CHM: variants seen among roughly 807,000 people sequenced by gnomAD.
The protein encoded by CHM is rab proteins geranylgeranyltransferase component A 1.
Under a neutral mutation model 49.0 loss-of-function variants are expected in CHM, and 10 were observed. The ratio of observed to expected loss-of-function variants is 0.20; its 90% CI spans 0.13 to 0.35. CHM has a LOEUF of 0.35. Among genes scored for constraint, CHM ranks in the 10% least tolerant of loss-of-function variants. CHM has a pLI of 1.00. For synonymous variants in CHM, 184 were observed against 167.5 expected (o/e 1.10, Z -0.76); for missense variants, 455 against 478.4 (o/e 0.95, Z 0.46).
chrX:86,027,737 C>A (rs1164267524), intron 1 of CHM, among the ~76,000 whole-genome samples, 180 bp from the exon 2 acceptor site: 2 of 111,540 alleles, frequency 1.8e-5, no homozygotes, highest in Non-Finnish European at 3.8e-5. Flanking sequence ...TAAACATATA[C>A]CACTCATACT....
At chrX:85,973,439 G>A (rs1257377739) in intron 4 of CHM, among the ~76,000 whole-genome samples, 3 of 108,143 alleles carry the variant, frequency 2.8e-5, no homozygotes, top group African/African-American at 1.0e-4. Context: ...TAATATTTTA[G>A]CCTTCATATC....
chrX:85,958,068 T>C (rs1930096915), intron 6 of CHM, 93 bp from the exon 7 acceptor site: 1 of 1,063,598 alleles, frequency 9.4e-7, no homozygotes, highest in Non-Finnish European at 1.3e-6. Context: ...TATAACAGGA[T>C]TATCGTTTCC....
At chrX:85,945,623 AT>A (rs1929360935) in intron 8 of CHM, among the ~76,000 whole-genome samples, 1 of 107,355 alleles carries the variant, frequency 9.3e-6, no homozygotes, top group South Asian at 4.3e-4. Context: ...ATTTTTATAA[AT>A]AGCCCAGTGT....
chrX:85,874,090 G>A (rs370588421), intron 13 of CHM, among the ~76,000 whole-genome samples: 2 of 111,180 alleles, frequency 1.8e-5, no homozygotes, highest in African/African-American at 6.5e-5. Flanking sequence ...CCTAGCACAC[G>A]ACAGATGCTC....
chrX:86,018,926 A>T (rs1296836977), intron 2 of CHM, among the ~76,000 whole-genome samples: 2 of 112,280 alleles, frequency 1.8e-5, no homozygotes, highest in Non-Finnish European at 3.8e-5. Flanking sequence ...TAAAAAGGCA[A>T]CATGAGAGAT....
chrX:85,872,034 A>G (rs1484146208), intron 14 of CHM, among the ~76,000 whole-genome samples: 1 of 111,991 alleles, frequency 8.9e-6, no homozygotes, highest in Non-Finnish European at 1.9e-5. Context: ...TCACTGGCTG[A>G]ATATGATTAT....
chrX:85,959,512 G>GA (rs968965108), intron 5 of CHM, among the ~76,000 whole-genome samples: 4 of 110,823 alleles, frequency 3.6e-5, no homozygotes, highest in African/African-American at 9.8e-5. Context: ...ATCAAAAAAA[G>GA]AAAAAAATAT....
rs747338452 is a variant in CHM at position 85,972,025 on chromosome X, G to A, written c.314+6742C>T. Among the ~76,000 whole-genome samples, 46 of 109,533 alleles carry A rather than the reference G, an allele frequency of 4.2e-4. No individual in the cohort carries two copies. In the Middle Eastern group the frequency reaches 0.014, roughly 34 times the overall value. On this transcript the variant is annotated intron_variant, in intron 4 of 14. Coordinates refer to ENST00000357749, the MANE Select transcript of CHM (RefSeq NM_000390.4). Reference sequence around the variant, plus strand: ...GAGCTAGACACAAAGGTTCTCCAAGGCCCCACCAGAGCAGCTAGATACAGA... The same window carrying A: ...GAGCTAGACACAAAGGTTCTCCAAGACCCCACCAGAGCAGCTAGATACAGA...
intron 4 of CHM, among the ~76,000 whole-genome samples, chrX:85,977,470 A>G (rs186975229): frequency 8.9e-6 from 1 of 112,208 alleles, no homozygotes; most frequent in Admixed American, 9.5e-5. Flanking sequence ...AAATGTATCA[A>G]CTCAGCCATT....
At chrX:86,004,110 A>C (rs148269455) in intron 2 of CHM, among the ~76,000 whole-genome samples, 98 of 112,107 alleles carry the variant, frequency 8.7e-4, no homozygotes, top group Non-Finnish European at 1.3e-3. Context: ...CCAATATTCA[A>C]CATTCTTAAA....
chrX:86,015,915 C>T (rs1933279600), intron 2 of CHM, among the ~76,000 whole-genome samples: 1 of 111,855 alleles, frequency 8.9e-6, no homozygotes, highest in Admixed American at 9.4e-5. Context: ...GGTGGATCAC[C>T]TCAGGTCAGG....
intron 8 of CHM, among the ~76,000 whole-genome samples, chrX:85,944,279 A>G (rs2147643418): frequency 8.9e-6 from 1 of 112,380 alleles, no homozygotes; most frequent in East Asian, 2.8e-4. Context: ...GAGATGCTTT[A>G]TCTTATGATT....
At chrX:86,018,817 T>C (rs1396956427) in intron 2 of CHM, among the ~76,000 whole-genome samples, 1 of 111,656 alleles carries the variant, frequency 9.0e-6, no homozygotes, top group African/African-American at 3.3e-5. Flanking sequence ...GTTCTATACA[T>C]GAAATGACAA....
At chrX:85,910,829 A>G (rs887983245) in intron 9 of CHM, among the ~76,000 whole-genome samples, 4 of 107,573 alleles carry the variant, frequency 3.7e-5, no homozygotes, top group Non-Finnish European at 7.7e-5. Context: ...ATCTGATGAA[A>G]ATCAATTAGA....
In CHM at chrX:85,862,965, GTTTA is replaced by G. The variant is rs1048767388; in HGVS notation, c.*1661_*1664del. 1 of 111,886 alleles carries G rather than the reference GTTTA, an allele frequency of 8.9e-6. No individual in the cohort carries two copies. Among genetic ancestry groups the G allele is most frequent in the African/African-American group, 3.3e-5 (1 of 30,728 alleles). The allele number at this position is 111,886 out of a possible 1,213,427, so 9.2% of individuals were successfully genotyped here. On this transcript the variant is annotated 3_prime_UTR_variant, in exon 15 of 15. Coordinates refer to ENST00000357749, the MANE Select transcript of CHM (RefSeq NM_000390.4). ...AAAAAAACAAATAGTTCATTTGTTT[GTTTA>G]TTTATAGGCAATTATAAGTCTCAAC...
At chrX:85,990,489 A>T (rs1054424392) in intron 2 of CHM, among the ~76,000 whole-genome samples, 10 of 111,935 alleles carry the variant, frequency 8.9e-5, no homozygotes, top group Non-Finnish European at 1.3e-4. Flanking sequence ...TAAAAGTTTT[A>T]AAAAAATTGT....
intron 8 of CHM, among the ~76,000 whole-genome samples, chrX:85,931,203 G>A (rs1928415118): frequency 9.0e-6 from 1 of 110,704 alleles, no homozygotes; most frequent in South Asian, 3.9e-4. Flanking sequence ...CCTAATCATA[G>A]GCATGCATTA....
At chrX:85,867,089 G>A (rs370975065) in intron 14 of CHM, among the ~76,000 whole-genome samples, 11 of 111,388 alleles carry the variant, frequency 9.9e-5, no homozygotes, top group Admixed American at 2.9e-4. Context: ...GGGAAGGGTC[G>A]GGGCAGAATG....
At chrX:86,012,248 A>G (rs1362965749) in intron 2 of CHM, among the ~76,000 whole-genome samples, 3 of 111,565 alleles carry the variant, frequency 2.7e-5, no homozygotes, top group African/African-American at 9.8e-5. Context: ...ATAACAAATC[A>G]TATTAAACCC....
Sources: gnomAD v4.1 joint callset for allele counts (sites outside exome capture counted in the v4.1 genomes callset) on GRCh38, gnomAD v4.1.1 for gene constraint, MANE v1.5 for transcripts, NCBI Gene and HGNC (gene_info 2026-07-23, HGNC 2026-07-21) for gene names.